RALGPS2: variants seen among roughly 807,000 people sequenced by gnomAD.
RALGPS2 encodes the protein Ral GEF with PH domain and SH3 binding motif 2, also known as ras-specific guanine nucleotide-releasing factor RalGPS2.
In RALGPS2, 43 loss-of-function variants were observed where a neutral mutation model predicts 86.8. The ratio of observed to expected loss-of-function variants is 0.50; its 90% CI spans 0.39 to 0.64. The LOEUF (loss-of-function observed/expected upper bound fraction) is 0.64, where lower values mean the gene tolerates loss of function less well. RALGPS2 is among the 30% of genes least tolerant of loss of function. The pLI is 0.00. For missense variants in RALGPS2, 536 were observed against 694.6 expected, an observed-to-expected ratio of 0.77 and a Z score of 2.57; for synonymous variants, 243 against 231.3, an observed-to-expected ratio of 1.05 and a Z score of -0.46.
At chr1:178,792,426 C>G (rs1653998018) in intron 4 of RALGPS2, among the ~76,000 whole-genome samples, 1 of 152,122 alleles carries the variant, frequency 6.6e-6, no homozygotes, top group African/African-American at 2.4e-5. Flanking sequence ...AATTTTCTCC[C>G]CTTCTTTTCT....
intron 17 of RALGPS2, 32 bp from the exon 18 acceptor site, chr1:178,902,072 TTC>T: frequency 6.6e-7 from 1 of 1,511,406 alleles, no homozygotes; most frequent in East Asian, 2.3e-5. Flanking sequence ...ACCATAAATT[TTC>T]TGTTTCCGCT....
chr1:178,853,091 C>G, intron 8 of RALGPS2: 5 of 1,429,548 alleles, frequency 3.5e-6, no homozygotes, highest in Non-Finnish European at 4.6e-6. Context: ...TTTAGTTGGT[C>G]ACTTGCGTTT....
At chr1:178,887,407 C>T (rs1309742426) in intron 13 of RALGPS2, among the ~76,000 whole-genome samples, 2 of 152,142 alleles carry the variant, frequency 1.3e-5, no homozygotes, top group Non-Finnish European at 1.5e-5. Context: ...GAGCCATGTT[C>T]GCAGCACTGC....
At chr1:178,789,564 G>A (rs1653849110) in intron 4 of RALGPS2, among the ~76,000 whole-genome samples, 1 of 152,162 alleles carries the variant, frequency 6.6e-6, no homozygotes, top group Non-Finnish European at 1.5e-5. Flanking sequence ...GTTTGGCTTT[G>A]GACATACTTA....
At chr1:178,745,912 C>T (rs1651299183) in intron 1 of RALGPS2, among the ~76,000 whole-genome samples, 2 of 149,182 alleles carry the variant, frequency 1.3e-5, no homozygotes, top group African/African-American at 5.0e-5. Context: ...ACTTTCACCT[C>T]CCAGGTTCAA....
In RALGPS2 at chr1:178,917,971, T is replaced by C. The variant is rs958378740; in HGVS notation, c.*1612T>C. On this transcript the variant is annotated 3_prime_UTR_variant, in exon 20 of 20. Transcript: ENST00000367635. ...TATAAGTATTTTGCCCTTGAGTCCA[T>C]GAAACTTCAATAGAAAATATTGCTT... 6.6e-6 allele frequency: 1 copy of C among 152,164 alleles called. No individual in the cohort carries two copies. The highest frequency in any genetic ancestry group is 2.4e-5 in the African/African-American group (1 of 41,474). 9.4% of individuals were successfully genotyped at this position (152,164 alleles called of 1,614,324 possible).
chr1:178,848,959 A>G (rs1476996663), intron 8 of RALGPS2, among the ~76,000 whole-genome samples: 2 of 152,146 alleles, frequency 1.3e-5, no homozygotes, highest in African/African-American at 4.8e-5. Context: ...ACGTTTGTTG[A>G]TCACCTACTC....
intron 8 of RALGPS2, among the ~76,000 whole-genome samples, chr1:178,859,688 C>T (rs1657831797): frequency 7.2e-6 from 1 of 138,898 alleles, no homozygotes; most frequent in Non-Finnish European, 1.5e-5. Flanking sequence ...ACATCATACA[C>T]GAAGCACTTT....
chr1:178,727,229 A>G (rs180843596), intron 1 of RALGPS2, among the ~76,000 whole-genome samples: 2 of 147,412 alleles, frequency 1.4e-5, no homozygotes, highest in Non-Finnish European at 3.0e-5. Flanking sequence ...ATTATATTCC[A>G]CTTTTTTTTT....
intron 4 of RALGPS2, among the ~76,000 whole-genome samples, chr1:178,796,568 A>G (rs1654200637): frequency 6.6e-6 from 1 of 151,988 alleles, no homozygotes; most frequent in South Asian, 2.1e-4. Context: ...TTCTTCCCTC[A>G]GTCTCTTATC....
intron 18 of RALGPS2, among the ~76,000 whole-genome samples, chr1:178,904,565 A>G (rs1156513613): frequency 6.6e-6 from 1 of 152,172 alleles, no homozygotes; most frequent in Non-Finnish European, 1.5e-5. Context: ...ATTCTCCTAC[A>G]TGCGGCTAGC....
In RALGPS2 at chr1:178,919,757, T is replaced by C. The variant is rs936705353; in HGVS notation, c.*3398T>C. On this transcript the variant is annotated 3_prime_UTR_variant, in exon 20 of 20. Coordinates refer to ENST00000367635, the MANE Select transcript of RALGPS2 (RefSeq NM_152663.5). ...TGAATAGATCTGGTATTGATTTCCT[T>C]CCTGTTTTTTTGAGGCACATTCCTT... 2 of 152,062 alleles carry C rather than the reference T, an allele frequency of 1.3e-5. No individual in the cohort carries two copies. The highest frequency in any genetic ancestry group is 4.1e-4 in the South Asian group (2 of 4,834). The allele number at this position is 152,062 out of a possible 1,614,324, so 9.4% of individuals were successfully genotyped here.
chr1:178,823,735 A>G (rs143281059), intron 7 of RALGPS2, among the ~76,000 whole-genome samples: 25 of 152,324 alleles, frequency 1.6e-4, no homozygotes, highest in African/African-American at 5.8e-4. Flanking sequence ...GGTGCTGTTT[A>G]CTTATATTCA....
At chr1:178,821,761 T>A (rs1655519473) in intron 7 of RALGPS2, 57 bp downstream of exon 7, 4 of 1,268,608 alleles carry the variant, frequency 3.2e-6, no homozygotes, top group Non-Finnish European at 4.5e-6. Flanking sequence ...AGGAAAGATA[T>A]ATTCATTTCC....
At chr1:178,796,893 A>G (rs1654218562) in intron 4 of RALGPS2, among the ~76,000 whole-genome samples, 1 of 152,224 alleles carries the variant, frequency 6.6e-6, no homozygotes, top group African/African-American at 2.4e-5. Context: ...AAATACACTT[A>G]TAATGACTGT....
intron 4 of RALGPS2, among the ~76,000 whole-genome samples, chr1:178,787,458 T>C (rs1572332054): frequency 6.6e-6 from 1 of 152,186 alleles, no homozygotes; most frequent in East Asian, 1.9e-4. Flanking sequence ...TATTGAGATA[T>C]CTTACATTCT....
At chr1:178,873,655 G>C (rs1304367489) in intron 8 of RALGPS2, among the ~76,000 whole-genome samples, 1 of 152,128 alleles carries the variant, frequency 6.6e-6, no homozygotes, top group Non-Finnish European at 1.5e-5. Flanking sequence ...ATGTGTATAA[G>C]AATGTCTATA....
At chr1:178,839,090 A>G (rs1211615445) in intron 8 of RALGPS2, among the ~76,000 whole-genome samples, 1 of 152,242 alleles carries the variant, frequency 6.6e-6, no homozygotes, top group Non-Finnish European at 1.5e-5. Flanking sequence ...AACACTCTGC[A>G]GGATATTATC....
intron 8 of RALGPS2, among the ~76,000 whole-genome samples, chr1:178,856,200 GAGATAT>G (rs1190162862): frequency 5.4e-4 from 22 of 40,932 alleles, no homozygotes; most frequent in African/African-American, 1.8e-3. Flanking sequence ...CAGAGAGAGA[GAGATAT>G]ATATATATAT....
Sources: allele counts gnomAD v4.1 joint callset (sites outside exome capture counted in the v4.1 genomes callset), GRCh38; gene constraint gnomAD v4.1.1; transcripts MANE v1.5; gene names NCBI Gene and HGNC (gene_info 2026-07-23, HGNC 2026-07-21).